Variants in PPP1R14C observed in about 807,000 individuals in gnomAD.
PPP1R14C encodes protein phosphatase 1 regulatory subunit 14C.
In PPP1R14C, 16 loss-of-function variants were observed where a neutral mutation model predicts 20.4. The observed-to-expected ratio is 0.78, with a 90% confidence interval of 0.53 to 1.19. PPP1R14C has a LOEUF of 1.19. Among genes scored for constraint, PPP1R14C ranks in the 50% most tolerant of loss-of-function variants. The pLI, the probability that PPP1R14C is intolerant of heterozygous loss-of-function variation, is 0.00. For synonymous variants in PPP1R14C, 91 were observed against 91.0 expected (o/e 1.00, Z 0.00); for missense variants, 211 against 220.1 (o/e 0.96, Z 0.26).
chr6:150,157,826 C>T (rs1005882329), intron 1 of PPP1R14C, among the ~76,000 whole-genome samples: 3 of 152,344 alleles, frequency 2.0e-5, no homozygotes, highest in Admixed American at 2.0e-4. Context: ...CACCTAGGCC[C>T]AGAGGGCGGA....
Position 150,168,504 on chromosome 6 carries a change from G to A in PPP1R14C, c.306+25006G>A, listed in dbSNP as rs367805121. Among the ~76,000 whole-genome samples, 222 of 144,172 alleles carry A rather than the reference G, an allele frequency of 1.5e-3. 1 individual carries two copies. The highest frequency in any genetic ancestry group is 7.7e-3 in the Middle Eastern group (2 of 260). 94.6% of individuals were successfully genotyped at this position (144,172 alleles called of 152,430 possible). A position where few individuals can be genotyped will look rare whatever the true frequency, so the allele number is the denominator to read the frequency against. On this transcript the variant is annotated intron_variant, in intron 1 of 3. Transcript: ENST00000361131. ...GCCGAGATAGCGCCACTACACTCCA[G>A]CCTGGGCGAAAGAGCGAGACTCCCG...
At chr6:150,195,271 TA>T (rs1305305572) in intron 1 of PPP1R14C, 22 of 599,250 alleles carry the variant, frequency 3.7e-5, no homozygotes, top group Non-Finnish European at 4.2e-5. Flanking sequence ...ACATGGGGGC[TA>T]AAAAAATAAA....
intron 1 of PPP1R14C, among the ~76,000 whole-genome samples, chr6:150,198,522 C>T (rs1777837687): frequency 6.6e-6 from 1 of 152,244 alleles, no homozygotes; most frequent in African/African-American, 2.4e-5. Flanking sequence ...CCAGTCTTGC[C>T]ACATTCTATG....
At chr6:150,217,218 C>T (rs1204234584) in intron 3 of PPP1R14C, among the ~76,000 whole-genome samples, 4 of 141,996 alleles carry the variant, frequency 2.8e-5, no homozygotes, top group East Asian at 2.0e-4. Flanking sequence ...TTTTTTGAGA[C>T]GGAGTCTCGC....
chr6:150,238,580 C>A (rs1311719142), intron 3 of PPP1R14C, among the ~76,000 whole-genome samples: 2 of 152,272 alleles, frequency 1.3e-5, no homozygotes, highest in African/African-American at 4.8e-5. Flanking sequence ...CCGCAGGGCA[C>A]CCGTTCACCC....
chr6:150,153,432 A>G (rs988736286), intron 1 of PPP1R14C, among the ~76,000 whole-genome samples: 4 of 152,240 alleles, frequency 2.6e-5, no homozygotes, highest in Non-Finnish European at 5.9e-5. Context: ...GAAAGGGATC[A>G]CGAGTTACTG....
At position 150,249,309 on chromosome 6, in the gene PPP1R14C, A is replaced by C; in HGVS notation, c.*489A>C. The C allele has an allele frequency of 5.0e-6, 2 of 399,150 alleles. No individual in the cohort carries two copies. The highest frequency in any genetic ancestry group is 2.5e-4 in the South Asian group (2 of 7,864). 24.7% of individuals were successfully genotyped at this position (399,150 alleles called of 1,614,324 possible). On this transcript the variant is annotated 3_prime_UTR_variant, in exon 4 of 4. Coordinates refer to ENST00000361131, the MANE Select transcript of PPP1R14C (RefSeq NM_030949.3). ...GTGAGTTTTATTTCACATGGATGGA[A>C]TAAACTTGTGGTTGTCCTTTAACTG...
intron 1 of PPP1R14C, among the ~76,000 whole-genome samples, chr6:150,146,719 T>C (rs1416794023): frequency 6.6e-6 from 1 of 152,160 alleles, no homozygotes; most frequent in Non-Finnish European, 1.5e-5. Flanking sequence ...AGGAGCTTGT[T>C]CATGCCCTAG....
intron 3 of PPP1R14C, among the ~76,000 whole-genome samples, chr6:150,218,842 G>T (rs1228889899): frequency 6.6e-6 from 1 of 152,026 alleles, no homozygotes; most frequent in African/African-American, 2.4e-5. Context: ...TATAGAGACT[G>T]GGTCTCACTA....
At position 150,155,479 on chromosome 6, in the gene PPP1R14C, A is replaced by T. The variant is rs568660768; in HGVS notation, c.306+11981A>T. On this transcript the variant is annotated intron_variant, in intron 1 of 3. Coordinates refer to ENST00000361131, the MANE Select transcript of PPP1R14C (RefSeq NM_030949.3). ...ACGGGGAGGCTCCAAGAGTCTTAGT[A>T]ACATGCTCAAGTTTAAACTGCCAGT... 4.6e-5 allele frequency among the ~76,000 whole-genome samples: 7 copies of T among 152,318 alleles called. No homozygotes were observed. The South Asian group carries it at 1.0e-3, about 23-fold the overall frequency.
chr6:150,160,854 T>C (rs538981750), intron 1 of PPP1R14C, among the ~76,000 whole-genome samples: 1 of 152,288 alleles, frequency 6.6e-6, no homozygotes, highest in East Asian at 1.9e-4. Flanking sequence ...TGTGTGTGTA[T>C]GTATTTAATA....
At chr6:150,229,479 A>G (rs781042693) in intron 3 of PPP1R14C, among the ~76,000 whole-genome samples, 3 of 152,206 alleles carry the variant, frequency 2.0e-5, no homozygotes, top group Non-Finnish European at 4.4e-5. Context: ...GTAAGATTGA[A>G]TCTAGGGGAG....
chr6:150,202,049 G>A (rs946096843), intron 1 of PPP1R14C, among the ~76,000 whole-genome samples: 1 of 152,202 alleles, frequency 6.6e-6, no homozygotes, highest in Non-Finnish European at 1.5e-5. Flanking sequence ...CATTCCCTAA[G>A]ACCAAAGGCA....
chr6:150,165,461 G>T (rs2181919), intron 1 of PPP1R14C, among the ~76,000 whole-genome samples: 7,304 of 152,284 alleles, frequency 0.048, 636 homozygotes, highest in East Asian at 0.41. Flanking sequence ...GGGGAAGGCT[G>T]GTTGACCTCA....
At chr6:150,244,307 A>T (rs1778467742) in intron 3 of PPP1R14C, among the ~76,000 whole-genome samples, 1 of 152,068 alleles carries the variant, frequency 6.6e-6, no homozygotes, top group Admixed American at 6.6e-5. Flanking sequence ...TTAACTTCTC[A>T]TTGCACTTGA....
At chr6:150,214,484 T>C (rs1039995910) in intron 1 of PPP1R14C, among the ~76,000 whole-genome samples, 4 of 151,792 alleles carry the variant, frequency 2.6e-5, no homozygotes, top group Admixed American at 2.6e-4. Flanking sequence ...CTTCCTTCCT[T>C]CATTTCCCTT....
intron 3 of PPP1R14C, among the ~76,000 whole-genome samples, chr6:150,225,177 A>G (rs1778217058): frequency 6.6e-6 from 1 of 152,164 alleles, no homozygotes. Flanking sequence ...GAAGAAAAAG[A>G]AGAAGAACAG....
chr6:150,232,806 G>A (rs867733673), intron 3 of PPP1R14C, among the ~76,000 whole-genome samples: 19 of 152,238 alleles, frequency 1.2e-4, no homozygotes, highest in Middle Eastern at 3.4e-3. Context: ...TCTTAATAAA[G>A]GTCCAATAAG....
chr6:150,180,106 G>A (rs1407947993), intron 1 of PPP1R14C, among the ~76,000 whole-genome samples: 1 of 152,204 alleles, frequency 6.6e-6, no homozygotes, highest in Non-Finnish European at 1.5e-5. Flanking sequence ...GGAAGCTGAG[G>A]CGTGAGAATC....
Sources: allele counts gnomAD v4.1 joint callset (sites outside exome capture counted in the v4.1 genomes callset), GRCh38; gene constraint gnomAD v4.1.1; transcripts MANE v1.5; gene names NCBI Gene and HGNC (gene_info 2026-07-23, HGNC 2026-07-21).